The following TRPM6 variants were observed in gnomAD, a reference collection of about 807,000 sequenced individuals.
TRPM6 encodes transient receptor potential cation channel subfamily M member 6.
A neutral mutation model predicts 247.6 loss-of-function variants in TRPM6; 111 were observed. The observed-to-expected ratio is 0.45, with a 90% CI of 0.38 to 0.52. The LOEUF (loss-of-function observed/expected upper bound fraction) is 0.52. Among genes scored for constraint, TRPM6 ranks in the 20% least tolerant of loss-of-function variants. The pLI, the probability that TRPM6 is intolerant of heterozygous loss-of-function variation, is 0.00. For missense variants in TRPM6, 2,126 were observed against 2,421.5 expected (o/e 0.88, Z 2.56); for synonymous variants, 892 against 853.8 (o/e 1.04, Z -0.78).
intron 34 of TRPM6, 89 bp downstream of exon 34, chr9:74,739,633 TG>T: frequency 1.3e-6 from 2 of 1,574,880 alleles, no homozygotes; most frequent in Non-Finnish European, 1.7e-6. Context: ...CCCTTTGGGT[TG>T]AGGATAATGG....
intron 1 of TRPM6, among the ~76,000 whole-genome samples, chr9:74,886,114 C>A (rs995790175): frequency 6.6e-6 from 1 of 152,158 alleles, no homozygotes; most frequent in Non-Finnish European, 1.5e-5. Flanking sequence ...TTTCCCTTCA[C>A]CTCTGGTATA....
intron 9 of TRPM6, among the ~76,000 whole-genome samples, chr9:74,818,862 G>T (rs902133824): frequency 1.4e-4 from 21 of 146,092 alleles, no homozygotes; most frequent in Non-Finnish European, 2.9e-4. Context: ...ACTTCAGTTG[G>T]TTTTTTTTTT....
chr9:74,864,260 G>A (rs1830778170), intron 1 of TRPM6, among the ~76,000 whole-genome samples: 1 of 152,162 alleles, frequency 6.6e-6, no homozygotes, highest in African/African-American at 2.4e-5. Context: ...TTTCTTCAGA[G>A]TGCCTCCCTT....
chr9:74,784,178 G>A (rs1045409591), intron 21 of TRPM6, among the ~76,000 whole-genome samples: 14 of 151,292 alleles, frequency 9.3e-5, no homozygotes, highest in African/African-American at 3.2e-4. Context: ...CAGGAGAATC[G>A]CTTGAACGCA....
chr9:74,744,844 A>G (rs899761573), intron 31 of TRPM6, among the ~76,000 whole-genome samples: 22 of 152,238 alleles, frequency 1.4e-4, no homozygotes, highest in African/African-American at 5.3e-4. Flanking sequence ...CTCGCAGAGT[A>G]AGCAGCATAA....
chr9:74,727,188 C>T (rs959192029), intron 38 of TRPM6, among the ~76,000 whole-genome samples: 1 of 151,942 alleles, frequency 6.6e-6, no homozygotes, highest in African/African-American at 2.4e-5. Context: ...CAAGACCATC[C>T]TGGCCAACAT....
chr9:74,874,492 T>C (rs572791804), intron 1 of TRPM6, among the ~76,000 whole-genome samples: 1 of 152,320 alleles, frequency 6.6e-6, no homozygotes, highest in East Asian at 1.9e-4. Context: ...GTTACCCATA[T>C]AATGCCTTTC....
intron 3 of TRPM6, among the ~76,000 whole-genome samples, chr9:74,846,618 C>G (rs1192433940): frequency 6.6e-6 from 1 of 152,038 alleles, no homozygotes; most frequent in Non-Finnish European, 1.5e-5. Flanking sequence ...ATGATCTCTG[C>G]TCACTGCCAC....
intron 23 of TRPM6, among the ~76,000 whole-genome samples, chr9:74,778,039 G>C (rs1827286820): frequency 6.6e-6 from 1 of 152,244 alleles, no homozygotes; most frequent in African/African-American, 2.4e-5. Context: ...TCTGATGCCA[G>C]GATGGGCTTG....
At chr9:74,779,104 C>T (rs1827327412) in intron 23 of TRPM6, among the ~76,000 whole-genome samples, 1 of 152,154 alleles carries the variant, frequency 6.6e-6, no homozygotes. Context: ...TGGTGAAACC[C>T]TGTCTCTACC....
At chr9:74,854,170 A>C (rs1830452247) in intron 3 of TRPM6, among the ~76,000 whole-genome samples, 1 of 152,162 alleles carries the variant, frequency 6.6e-6, no homozygotes. Flanking sequence ...CTCCCTATCA[A>C]AAAAATAAAA....
chr9:74,842,397 T>C, intron 3 of TRPM6, 54 bp from the exon 4 acceptor site: 1 of 1,572,882 alleles, frequency 6.4e-7, no homozygotes, highest in South Asian at 1.1e-5. Context: ...ATAGATGCAA[T>C]ATGTCTACCT....
At chr9:74,729,543 A>G (rs1401694049) in intron 37 of TRPM6, among the ~76,000 whole-genome samples, 1 of 152,204 alleles carries the variant, frequency 6.6e-6, no homozygotes, top group Non-Finnish European at 1.5e-5. Flanking sequence ...ACACAGGATT[A>G]ACTTTCCTGG....
intron 27 of TRPM6, among the ~76,000 whole-genome samples, chr9:74,760,473 A>C (rs2118832834): frequency 6.6e-6 from 1 of 152,326 alleles, no homozygotes; most frequent in South Asian, 2.1e-4. Flanking sequence ...GTGTAAGTAC[A>C]TTCCATGATG....
At chr9:74,887,597 GCTGCGGGAC>G (rs761490193) in intron 1 of TRPM6, 2 of 1,526,412 alleles carry the variant, frequency 1.3e-6, no homozygotes, top group Non-Finnish European at 1.8e-6. Flanking sequence ...TGAAACGGGG[GCTGCGGGAC>G]CTGCCCTGTA....
Position 74,737,151 on chromosome 9 carries a change from G to T in TRPM6, c.5776+1256C>A, listed in dbSNP as rs1290029436. On this transcript the variant is annotated intron_variant, in intron 36 of 38. Coordinates refer to ENST00000360774, the MANE Select transcript of TRPM6 (RefSeq NM_017662.5). ...CTGGTCTAAAAGCTGAATCAACTTG[G>T]TCATTTTAACTTTGTTTATATTGTT... Among the ~76,000 whole-genome samples, 4 of 152,050 alleles carry T rather than the reference G, an allele frequency of 2.6e-5. No individual in the cohort carries two copies. In the East Asian group the frequency reaches 7.7e-4, roughly 29 times the overall value.
chr9:74,727,985 C>A (rs1325293998), intron 38 of TRPM6, among the ~76,000 whole-genome samples: 1 of 152,068 alleles, frequency 6.6e-6, no homozygotes, highest in Non-Finnish European at 1.5e-5. Context: ...GTCGGTGGAA[C>A]TTTTCTTTTG....
At chr9:74,763,200 A>G (rs1376224664) in intron 25 of TRPM6, 66 bp from the exon 26 acceptor site, 1 of 1,495,038 alleles carries the variant, frequency 6.7e-7, no homozygotes, top group Admixed American at 1.7e-5. Context: ...CTCTCTTCCT[A>G]CCCTACTTCC....
intron 15 of TRPM6, 144 bp from the exon 16 acceptor site, chr9:74,802,319 G>T: frequency 1.3e-6 from 1 of 791,206 alleles, no homozygotes; most frequent in Non-Finnish European, 2.0e-6. Flanking sequence ...TTACAAGCCA[G>T]CAAGCAAAAT....
Sources: gnomAD v4.1 joint callset for allele counts (sites outside exome capture counted in the v4.1 genomes callset) on GRCh38, gnomAD v4.1.1 for gene constraint, MANE v1.5 for transcripts, NCBI Gene and HGNC (gene_info 2026-07-23, HGNC 2026-07-21) for gene names.